Variants in ODAD2 observed in about 807,000 individuals in gnomAD.
The protein encoded by ODAD2 is outer dynein arm-docking complex subunit 2.
Under a neutral mutation model 106.8 loss-of-function variants are expected in ODAD2, and 89 were observed. The ratio of observed to expected loss-of-function variants is 0.83; its 90% CI spans 0.70 to 0.99. The LOEUF (loss-of-function observed/expected upper bound fraction) is 0.99. Among genes scored for constraint, ODAD2 ranks in the 50% least tolerant of loss-of-function variants. The pLI is 0.00. For missense variants in ODAD2, 1,168 were observed against 1,238.5 expected, an observed-to-expected ratio of 0.94 and a Z score of 0.85; for synonymous variants, 404 against 436.2, an observed-to-expected ratio of 0.93 and a Z score of 0.92.
intron 2 of ODAD2, 62 bp from the exon 3 acceptor site, chr10:27,987,605 T>A: frequency 1.7e-6 from 2 of 1,193,890 alleles, no homozygotes; most frequent in Non-Finnish European, 2.3e-6. Context: ...AGAAGTTAAA[T>A]TTAAGACATT....
chr10:27,902,776 T>C (rs1452907594), intron 17 of ODAD2, among the ~76,000 whole-genome samples: 1 of 152,058 alleles, frequency 6.6e-6, no homozygotes, highest in Non-Finnish European at 1.5e-5. Context: ...AATAGACCAA[T>C]AACAAGTTCT....
intron 17 of ODAD2, among the ~76,000 whole-genome samples, chr10:27,865,365 C>T (rs573647156): frequency 1.3e-5 from 2 of 152,340 alleles, no homozygotes; most frequent in South Asian, 2.1e-4. Context: ...CTTCAGTTTT[C>T]ATGTCCTCAA....
intron 16 of ODAD2, among the ~76,000 whole-genome samples, chr10:27,923,384 A>C (rs546394167): frequency 6.6e-6 from 1 of 152,310 alleles, no homozygotes; most frequent in Admixed American, 6.5e-5. Flanking sequence ...ATCAAGCCAA[A>C]ACACATTAAA....
At chr10:27,861,035 A>G (rs1229608005) in intron 18 of ODAD2, among the ~76,000 whole-genome samples, 189 bp from the exon 19 acceptor site, 2 of 152,202 alleles carry the variant, frequency 1.3e-5, no homozygotes, top group Non-Finnish European at 2.9e-5. Context: ...TCTGTTGCCC[A>G]GGCTGAAGTG....
chr10:27,999,016 A>C lies in ODAD2; in HGVS notation c.-61T>G, dbSNP rs529379464. ...TACCCTGGTCTCGGGACCTCCGCGC[A>C]TCCAAGATTCCCGCGGACCCGTTGC... On this transcript the variant is annotated 5_prime_UTR_variant, in exon 1 of 20. An upstream start codon of the reference 5' UTR is lost. Transcript: ENST00000305242. The C allele has an allele frequency of 5.2e-5, 8 of 152,724 alleles. No homozygotes were observed. Among genetic ancestry groups the C allele is most frequent in the African/African-American group, 1.9e-4 (8 of 41,526 alleles). 9.5% of individuals were successfully genotyped at this position (152,724 alleles called of 1,614,324 possible).
At chr10:27,969,321 A>C (rs1848676927) in intron 8 of ODAD2, among the ~76,000 whole-genome samples, 1 of 151,794 alleles carries the variant, frequency 6.6e-6, no homozygotes, top group African/African-American at 2.4e-5. Context: ...TATCGCCGCC[A>C]ATTATAGTTT....
At chr10:27,935,289 G>GT in intron 15 of ODAD2, 37 bp from the exon 16 acceptor site, 1 of 1,607,760 alleles carries the variant, frequency 6.2e-7, no homozygotes. Context: ...ATTGGTTTTT[G>GT]TATAAGGTTT....
chr10:27,815,865 T>C (rs1836092628), intron 19 of ODAD2, among the ~76,000 whole-genome samples: 1 of 152,214 alleles, frequency 6.6e-6, no homozygotes, highest in African/African-American at 2.4e-5. Flanking sequence ...GAACACTTCA[T>C]ATCCAACACT....
intron 17 of ODAD2, among the ~76,000 whole-genome samples, chr10:27,878,550 A>C (rs573548047): frequency 6.6e-6 from 1 of 152,196 alleles, no homozygotes; most frequent in Non-Finnish European, 1.5e-5. Context: ...TTTAACCAGA[A>C]GAGCTATAAA....
intron 7 of ODAD2, among the ~76,000 whole-genome samples, chr10:27,971,698 CA>C (rs1396305515): frequency 1.3e-5 from 2 of 152,042 alleles, no homozygotes; most frequent in Non-Finnish European, 2.9e-5. Context: ...GAGGAATGAA[CA>C]TAAGAATTTT....
chr10:27,879,065 T>C (rs1589898438), intron 17 of ODAD2, among the ~76,000 whole-genome samples: 1 of 152,172 alleles, frequency 6.6e-6, no homozygotes, highest in African/African-American at 2.4e-5. Context: ...CTTTAACGAA[T>C]TGAATCACAA....
intron 19 of ODAD2, among the ~76,000 whole-genome samples, chr10:27,845,428 A>C (rs1564420639): frequency 6.6e-6 from 1 of 152,218 alleles, no homozygotes; most frequent in Non-Finnish European, 1.5e-5. Flanking sequence ...GAAGCACTAA[A>C]CATGGAAAGG....
At chr10:27,895,017 G>A (rs1407823112) in intron 17 of ODAD2, among the ~76,000 whole-genome samples, 1 of 142,532 alleles carries the variant, frequency 7.0e-6, no homozygotes, top group Admixed American at 7.4e-5. Context: ...GAGAATTAGA[G>A]AGAGACTCAC....
chr10:27,932,271 A>G (rs1226291316), intron 16 of ODAD2, among the ~76,000 whole-genome samples: 3 of 152,066 alleles, frequency 2.0e-5, no homozygotes, highest in Non-Finnish European at 4.4e-5. Flanking sequence ...CACAAAGCCT[A>G]TCTTATACTA....
At chr10:27,982,394 A>G (rs1263322956) in intron 6 of ODAD2, among the ~76,000 whole-genome samples, 1 of 152,162 alleles carries the variant, frequency 6.6e-6, no homozygotes, top group Non-Finnish European at 1.5e-5. Context: ...ATGTATGTAG[A>G]TCAATAATAA....
At chr10:27,905,061 G>A (rs529467364) in intron 17 of ODAD2, 40 of 191,328 alleles carry the variant, frequency 2.1e-4, no homozygotes, top group African/African-American at 7.1e-4. Flanking sequence ...AGGCTTGAGC[G>A]CTGAGCCCAG....
chr10:27,886,070 A>G (rs2133645656), intron 17 of ODAD2, among the ~76,000 whole-genome samples: 1 of 150,546 alleles, frequency 6.6e-6, no homozygotes. Flanking sequence ...AACCAAAACA[A>G]CAAACAAAAA....
chr10:27,882,876 A>G (rs1371285138), intron 17 of ODAD2, among the ~76,000 whole-genome samples: 2 of 152,094 alleles, frequency 1.3e-5, no homozygotes, highest in Non-Finnish European at 2.9e-5. Context: ...CACAGTAAGT[A>G]AAGTCTTATC....
At chr10:27,933,692 A>G (rs7908757) in intron 16 of ODAD2, among the ~76,000 whole-genome samples, 24,335 of 152,140 alleles carry the variant, frequency 0.16, 2,943 homozygotes, top group African/African-American at 0.34. Context: ...ACATGCAGCC[A>G]TTTCTGGCAA....
Sources: gnomAD v4.1 joint callset for allele counts (sites outside exome capture counted in the v4.1 genomes callset) on GRCh38, gnomAD v4.1.1 for gene constraint, MANE v1.5 for transcripts, NCBI Gene and HGNC (gene_info 2026-07-23, HGNC 2026-07-21) for gene names.